JAK2: variants seen among roughly 807,000 people sequenced by gnomAD.
JAK2 encodes the protein Janus kinase 2.
In JAK2, 86 loss-of-function variants were observed where a neutral mutation model predicts 139.3. That is an observed-to-expected ratio of 0.62 (90% confidence interval 0.52 to 0.74). The LOEUF is 0.74. Ranked by LOEUF, JAK2 falls within the 30% of genes least tolerant of loss-of-function variation. The pLI is 0.00. For missense variants in JAK2, 1,421 were observed against 1,360.3 expected (o/e 1.04, Z -0.70); for synonymous variants, 490 against 437.7 (o/e 1.12, Z -1.49).
At chr9:4,986,760 C>T (rs573828312) in intron 2 of JAK2, among the ~76,000 whole-genome samples, 14 of 152,014 alleles carry the variant, frequency 9.2e-5, no homozygotes, top group Non-Finnish European at 1.9e-4. Context: ...AGTGTAAATA[C>T]GAAATTCGTT....
chr9:5,081,780 G>A lies in JAK2; in HGVS notation c.2490G>A (p.Leu830=), dbSNP rs2230724. The change falls in exon 19 of 25, where the codon CTG becomes CTA. Residue 830 remains leucine, a synonymous_variant. Transcript: ENST00000381652. Reference sequence around the variant, plus strand: ...TACCAAATATGAGGATAGGTGCCCTGGGGTTTTCTGGTGCCTTTGAAGACC... The same window carrying A: ...TACCAAATATGAGGATAGGTGCCCTAGGGTTTTCTGGTGCCTTTGAAGACC... The part of the protein sequence containing the change: ...DMLPNMRIGA[L]GFSGAFEDRD... 821,900 of 1,603,698 alleles carry A rather than the reference G, an allele frequency of 0.51. 217,450 individuals are homozygous for A. The highest frequency in any genetic ancestry group is 0.88 in the African/African-American group (65,625 of 74,718).
Position 5,054,627 on chromosome 9 carries a change from A to T in JAK2, c.679A>T (p.Lys227Ter). 6.2e-7 allele frequency: 1 copy of T among 1,612,744 alleles called. No homozygotes were observed. Among genetic ancestry groups the T allele is most frequent in the Non-Finnish European group, 8.5e-7 (1 of 1,179,138 alleles). Reference protein sequence around the residue: ...KIQDYHILTRKRIRYRFRRFI... With the variant: ...KIQDYHILTR ...CCAAGACTATCATATTTTGACAAGG[A>T]AGCGAATAAGGTACAGATTTCGCAG... Residue 227 changes from lysine to a stop codon, truncating the protein, a stop_gained, in exon 7 of 25, where the codon AAG becomes TAG. Coordinates refer to ENST00000381652, the MANE Select transcript of JAK2 (RefSeq NM_004972.4). LOFTEE classifies it high-confidence loss of function. The surrounding 1 kb of genome is among the most constrained non-coding windows in gnomAD (Gnocchi z 4.9).
intron 18 of JAK2, among the ~76,000 whole-genome samples, chr9:5,081,328 T>C (rs1307147316): frequency 6.6e-6 from 1 of 152,082 alleles, no homozygotes; most frequent in Non-Finnish European, 1.5e-5. Context: ...TTATAATTGA[T>C]TGATTCTCTA....
intron 2 of JAK2, among the ~76,000 whole-genome samples, chr9:5,005,447 A>G (rs936361506): frequency 1.3e-5 from 2 of 152,052 alleles, no homozygotes; most frequent in African/African-American, 4.8e-5. Flanking sequence ...CTTGCTGTGT[A>G]CAAGTTTTTA....
At chr9:4,990,768 AT>A (rs1345641433) in intron 2 of JAK2, among the ~76,000 whole-genome samples, 1 of 152,148 alleles carries the variant, frequency 6.6e-6, no homozygotes, top group Admixed American at 6.5e-5. Flanking sequence ...ACAGAAGAAA[AT>A]TGCTTATACT....
rs1280796429 is a variant in JAK2 at position 5,108,680 on chromosome 9, A to G, written c.3060-14324A>G. On this transcript the variant is annotated intron_variant, in intron 22 of 24. Coordinates refer to ENST00000381652, the MANE Select transcript of JAK2 (RefSeq NM_004972.4). ...GGCTTACCCTTATCCTCAGCCCCCTAACAGAATATATAGCCTACCCCTTCC... is the reference window on the plus strand; with the variant it reads ...GGCTTACCCTTATCCTCAGCCCCCTGACAGAATATATAGCCTACCCCTTCC... 7.2e-5 allele frequency: 11 copies of G among 152,106 alleles called. 1 individual carries two copies. In the East Asian group the frequency reaches 1.5e-3, roughly 21 times the overall value. The allele number at this position is 152,106 out of a possible 1,614,324, so 9.4% of individuals were successfully genotyped here. A position where few individuals can be genotyped will look rare whatever the true frequency, so the allele number is the denominator to read the frequency against.
intron 2 of JAK2, 78 bp from the exon 3 acceptor site, chr9:5,021,885 G>A (rs1487535083): frequency 1.3e-6 from 1 of 762,662 alleles, no homozygotes; most frequent in Non-Finnish European, 2.1e-6. Flanking sequence ...TGCCCGCCTC[G>A]GCCCCGCAAA....
intron 2 of JAK2, among the ~76,000 whole-genome samples, chr9:5,008,073 G>C (rs1220024851): frequency 6.6e-6 from 1 of 152,152 alleles, no homozygotes; most frequent in African/African-American, 2.4e-5. Flanking sequence ...AGAATAACAT[G>C]AGTGGGTAAT....
chr9:5,112,607 C>T (rs972093577), intron 22 of JAK2: 8 of 826,202 alleles, frequency 9.7e-6, no homozygotes, highest in African/African-American at 7.1e-5. Flanking sequence ...GGAGCTGGGG[C>T]GCATGTGGCA....
In JAK2 at chr9:5,062,500, T is replaced by TAAAAAAAAAAAAAAAAAAA. The variant is rs58424625; in HGVS notation, c.1057-2370_1057-2352dup. 5.7e-4 allele frequency among the ~76,000 whole-genome samples: 33 copies of TAAAAAAAAAAAAAAAAAAA among 58,234 alleles called. 5 individuals are homozygous for TAAAAAAAAAAAAAAAAAAA. Among genetic ancestry groups the TAAAAAAAAAAAAAAAAAAA allele is most frequent in the African/African-American group, 3.3e-3 (32 of 9,586 alleles). 38.2% of individuals were successfully genotyped at this position (58,234 alleles called of 152,430 possible). Reference sequence around the variant, plus strand: ...AAGTTTGTCAGAAACCTTCCATTTGTAAAAAAAAAAAAAAAAAAAAAAAAA... The same window carrying TAAAAAAAAAAAAAAAAAAA: ...AAGTTTGTCAGAAACCTTCCATTTGTAAAAAAAAAAAAAAAAAAAAAAAAAAAAAAAAAAAAAAAAAAAA... On this transcript the variant is annotated intron_variant, in intron 8 of 24. Transcript: ENST00000381652.
intron 22 of JAK2, chr9:5,108,560 C>T (rs1193184224): frequency 6.6e-6 from 1 of 152,034 alleles, no homozygotes; most frequent in Admixed American, 6.6e-5. Context: ...TCGGACTTCA[C>T]CTGTGACTCC....
intron 22 of JAK2, among the ~76,000 whole-genome samples, chr9:5,103,800 C>G (rs2130761595): frequency 6.6e-6 from 1 of 152,270 alleles, no homozygotes; most frequent in Non-Finnish European, 1.5e-5. Context: ...AATTGAACAA[C>G]CTGCTCCTGA....
intron 19 of JAK2, chr9:5,086,183 C>G: frequency 2.0e-6 from 1 of 490,080 alleles, no homozygotes; most frequent in Non-Finnish European, 2.8e-6. Context: ...CGGTCTCCAG[C>G]AACAGCCGCG....
At chr9:5,109,243 C>T (rs1822234795) in intron 22 of JAK2, 1 of 152,140 alleles carries the variant, frequency 6.6e-6, no homozygotes, top group Non-Finnish European at 1.5e-5. Context: ...ACATGTTACA[C>T]CTATTCTTCT....
At chr9:5,090,616 G>C (rs745656934) in intron 21 of JAK2, 46 bp downstream of exon 21, 1 of 1,544,992 alleles carries the variant, frequency 6.5e-7, no homozygotes, top group African/African-American at 1.4e-5. Flanking sequence ...CAACCGTGTT[G>C]AAGTAGACAT....
At position 5,129,715 on chromosome 9, in the gene JAK2, CTAGCTGCTAAGCGT is replaced by C. The variant is rs1476602069; in HGVS notation, c.*2926_*2939del. ...TTGGTTGGATTTAATATCAAGATAACTAGCTGCTAAGCGTTTCATAATTCTCACAGTGATATTAG... is the reference window on the plus strand; with the variant it reads ...TTGGTTGGATTTAATATCAAGATAACTTCATAATTCTCACAGTGATATTAG... On this transcript the variant is annotated 3_prime_UTR_variant, in exon 25 of 25. Coordinates refer to ENST00000381652, the MANE Select transcript of JAK2 (RefSeq NM_004972.4). 6.6e-6 allele frequency among the ~76,000 whole-genome samples: 1 copy of C among 152,046 alleles called. No individual in the cohort carries two copies. Among genetic ancestry groups the C allele is most frequent in the Admixed American group, 6.6e-5 (1 of 15,264 alleles).
chr9:5,081,644 T>G (rs1456070084), intron 18 of JAK2, 81 bp from the exon 19 acceptor site: 1 of 919,088 alleles, frequency 1.1e-6, no homozygotes, highest in African/African-American at 1.7e-5. Flanking sequence ...ACGATTATTT[T>G]GGTCAACTTG....
intron 5 of JAK2, among the ~76,000 whole-genome samples, chr9:5,048,433 A>G (rs1817181791): frequency 6.6e-6 from 1 of 152,038 alleles, no homozygotes; most frequent in Non-Finnish European, 1.5e-5. Flanking sequence ...GAGCCACTGC[A>G]CCCAGCCCAT....
intron 22 of JAK2, among the ~76,000 whole-genome samples, chr9:5,096,502 G>C (rs1047125561): frequency 2.0e-5 from 3 of 152,150 alleles, no homozygotes; most frequent in African/African-American, 7.2e-5. Context: ...CCATGTGGGG[G>C]GAGGGTGGTA....
Sources: allele counts gnomAD v4.1 joint callset (sites outside exome capture counted in the v4.1 genomes callset), GRCh38; gene constraint gnomAD v4.1.1; non-coding constraint Gnocchi (gnomAD v3.1); transcripts MANE v1.5; gene names NCBI Gene and HGNC (gene_info 2026-07-23, HGNC 2026-07-21).